Variants in FYN observed in about 807,000 individuals in gnomAD.
FYN encodes tyrosine-protein kinase Fyn.
Under a neutral mutation model 70.2 loss-of-function variants are expected in FYN, and 10 were observed. The observed-to-expected ratio is 0.14, with a 90% CI of 0.09 to 0.24. FYN has a LOEUF of 0.24. Among genes scored for constraint, FYN ranks in the 10% least tolerant of loss-of-function variants. FYN has a pLI of 1.00. For synonymous variants in FYN, 236 were observed against 248.6 expected, an observed-to-expected ratio of 0.95 and a Z score of 0.48; for missense variants, 319 against 673.1, an observed-to-expected ratio of 0.47 and a Z score of 5.82.
At chr6:111,803,161 C>T (rs1156876008) in intron 2 of FYN, among the ~76,000 whole-genome samples, 1 of 152,198 alleles carries the variant, frequency 6.6e-6, no homozygotes, top group Non-Finnish European at 1.5e-5. Flanking sequence ...GTTCCAAGGC[C>T]AAGCTCCTGC....
intron 1 of FYN, among the ~76,000 whole-genome samples, chr6:111,857,705 A>G (rs1019631067): frequency 3.3e-5 from 5 of 152,220 alleles, no homozygotes; most frequent in Non-Finnish European, 7.3e-5. Flanking sequence ...AGAAAAAAAA[A>G]CAATCTTACT....
intron 2 of FYN, among the ~76,000 whole-genome samples, chr6:111,788,189 A>G (rs915885754): frequency 1.3e-5 from 2 of 152,158 alleles, no homozygotes; most frequent in Admixed American, 1.3e-4. Context: ...CCTCTACTGT[A>G]CAACTTTTCA....
chr6:111,786,750 C>T (rs539810360), intron 2 of FYN, among the ~76,000 whole-genome samples: 29 of 152,258 alleles, frequency 1.9e-4, no homozygotes, highest in East Asian at 9.7e-4. Flanking sequence ...TTTTAATGAT[C>T]GCCATTCTAA....
At chr6:111,750,802 C>T (rs1802453405) in intron 3 of FYN, among the ~76,000 whole-genome samples, 1 of 151,640 alleles carries the variant, frequency 6.6e-6, no homozygotes, top group African/African-American at 2.4e-5. Flanking sequence ...TGCGTTCCCG[C>T]CATTCCATAC....
At chr6:111,838,655 C>T (rs899350570) in intron 2 of FYN, among the ~76,000 whole-genome samples, 30 of 152,242 alleles carry the variant, frequency 2.0e-4, no homozygotes, top group African/African-American at 5.8e-4. Flanking sequence ...ATTAATTGGA[C>T]GACAGAATAG....
intron 1 of FYN, 97 bp downstream of exon 1, chr6:111,872,871 C>A (rs1774326853): frequency 6.6e-6 from 1 of 151,200 alleles, no homozygotes; most frequent in Non-Finnish European, 1.5e-5. Flanking sequence ...CAGCACCGGG[C>A]CCTGCGGCGG....
chr6:111,707,981 T>A lies in FYN; in HGVS notation c.384A>T (p.Gly128=). ...DWWEARSLTT[G]ETGYIPSNYV... is the part of the protein sequence containing the mutation. ...AATTGCTGGGAATGTAACCTGTCTC[T>A]CCAGTTGTCAAGGAGCGGGCTTCCC... is the stretch of plus-strand genomic sequence containing the variant. The change falls in exon 6 of 14, where the codon GGA becomes GGT. Residue 128 remains glycine, a synonymous_variant. Transcript: ENST00000354650. 6.2e-7 allele frequency: 1 copy of A among 1,614,088 alleles called. No homozygotes were observed. The highest frequency in any genetic ancestry group is 1.1e-5 in the South Asian group (1 of 91,084).
intron 4 of FYN, among the ~76,000 whole-genome samples, chr6:111,717,000 G>A (rs1800678453): frequency 6.6e-6 from 1 of 152,026 alleles, no homozygotes; most frequent in Admixed American, 6.5e-5. Flanking sequence ...TGGGCAGGCT[G>A]GTCTTGAACT....
chr6:111,669,878 A>G (rs1333313907), intron 13 of FYN, among the ~76,000 whole-genome samples: 1 of 151,964 alleles, frequency 6.6e-6, no homozygotes, highest in East Asian at 1.9e-4. Flanking sequence ...AATACACACA[A>G]ACGGGGGGCC....
chr6:111,756,192 A>G (rs1583411571), intron 3 of FYN, among the ~76,000 whole-genome samples: 1 of 152,152 alleles, frequency 6.6e-6, no homozygotes, highest in African/African-American at 2.4e-5. Flanking sequence ...ATTAAATAAC[A>G]GCACACTACT....
At chr6:111,676,481 G>C (rs142921180) in intron 12 of FYN, 28 of 152,188 alleles carry the variant, frequency 1.8e-4, no homozygotes, top group African/African-American at 6.7e-4. Flanking sequence ...TGTTTTTAAG[G>C]TTTCTTTCAA....
chr6:111,866,334 GCTTTTGTTTTGTTTT>G (rs1163989013), intron 1 of FYN, among the ~76,000 whole-genome samples: 2 of 152,022 alleles, frequency 1.3e-5, no homozygotes, highest in Non-Finnish European at 2.9e-5. Context: ...CCAACCTCAT[GCTTTTGTTTTGTTTT>G]CTTTTGTTTT....
At chr6:111,779,040 T>C (rs530439991) in intron 3 of FYN, among the ~76,000 whole-genome samples, 1 of 151,954 alleles carries the variant, frequency 6.6e-6, no homozygotes, top group East Asian at 1.9e-4. Flanking sequence ...TCCTTTTAAT[T>C]GAACCAAGGT....
At chr6:111,701,518 A>G (rs1392405138) in intron 8 of FYN, among the ~76,000 whole-genome samples, 1 of 152,196 alleles carries the variant, frequency 6.6e-6, no homozygotes, top group African/African-American at 2.4e-5. Context: ...AAGAGGGAAG[A>G]GGGAAAGCCA....
chr6:111,822,823 A>G (rs1015265769), intron 2 of FYN, among the ~76,000 whole-genome samples: 4 of 152,176 alleles, frequency 2.6e-5, no homozygotes, highest in African/African-American at 9.7e-5. Flanking sequence ...GACAATGTTG[A>G]GAGGGAATGC....
intron 1 of FYN, among the ~76,000 whole-genome samples, chr6:111,853,901 C>T (rs1773753601): frequency 1.3e-5 from 2 of 152,108 alleles, no homozygotes; most frequent in Non-Finnish European, 2.9e-5. Context: ...CTCATTCAGC[C>T]ATTGTGGGAA....
At chr6:111,866,647 C>T (rs889420426) in intron 1 of FYN, among the ~76,000 whole-genome samples, 4 of 152,234 alleles carry the variant, frequency 2.6e-5, no homozygotes, top group African/African-American at 9.6e-5. Context: ...CGGCCCCAAC[C>T]CCATGCTCTT....
At chr6:111,747,148 G>C (rs959600339) in intron 3 of FYN, among the ~76,000 whole-genome samples, 93 of 152,312 alleles carry the variant, frequency 6.1e-4, no homozygotes, top group African/African-American at 2.2e-3. Context: ...TTAGTAAGTA[G>C]ATTAAGAGAG....
intron 2 of FYN, among the ~76,000 whole-genome samples, chr6:111,803,841 C>T (rs1489785561): frequency 6.6e-6 from 1 of 152,178 alleles, no homozygotes; most frequent in Non-Finnish European, 1.5e-5. Context: ...TGCGGAAATG[C>T]ACAGCTTCCC....
Sources: allele counts gnomAD v4.1 joint callset (sites outside exome capture counted in the v4.1 genomes callset), GRCh38; gene constraint gnomAD v4.1.1; transcripts MANE v1.5; gene names NCBI Gene and HGNC (gene_info 2026-07-23, HGNC 2026-07-21).